RYR3: variants seen among roughly 807,000 people sequenced by gnomAD.
The protein encoded by RYR3 is brain ryanodine receptor-calcium release channel.
In RYR3, 207 loss-of-function variants were observed where a neutral mutation model predicts 584.3. That is an observed-to-expected ratio of 0.35 (90% CI 0.32 to 0.40). RYR3 has a LOEUF of 0.40. Among genes scored for constraint, RYR3 ranks in the 10% least tolerant of loss-of-function variants. The pLI is 1.00. For missense variants in RYR3, 5,616 were observed against 6,089.2 expected (o/e 0.92, Z 2.59); for synonymous variants, 2,416 against 2,248.5 (o/e 1.07, Z -2.11).
rs544141713 is a variant in RYR3, at chr15:33,420,052, T to G, written c.52-53367T>G. Among the ~76,000 whole-genome samples, 22 of 152,352 alleles carry G rather than the reference T, an allele frequency of 1.4e-4. No individual in the cohort carries two copies. In the South Asian group the frequency reaches 4.6e-3, roughly 32 times the overall value. On this transcript the variant is annotated intron_variant, in intron 1 of 103. Transcript: ENST00000634891. ...GCAGAATTAAAAACTAAGACTGTTA[T>G]GATGCCTCTAAGAGAACAGAGATGC... is the stretch of plus-strand genomic sequence containing the variant.
chr15:33,479,777 G>T (rs2049794500), intron 2 of RYR3, among the ~76,000 whole-genome samples: 1 of 152,128 alleles, frequency 6.6e-6, no homozygotes. Context: ...TTAGACTTCA[G>T]AAATGCCTGG....
At chr15:33,792,874 A>T (rs1596615675) in intron 67 of RYR3, among the ~76,000 whole-genome samples, 1 of 152,168 alleles carries the variant, frequency 6.6e-6, no homozygotes, top group East Asian at 1.9e-4. Flanking sequence ...GTTCTCCAAC[A>T]CCAATTGGGT....
At chr15:33,609,009 A>G (rs1040362020) in intron 18 of RYR3, among the ~76,000 whole-genome samples, 19 of 152,334 alleles carry the variant, frequency 1.2e-4, no homozygotes, top group African/African-American at 4.3e-4. Context: ...AGCATCCCCC[A>G]TGAAAGCTGC....
chr15:33,794,079 A>T (rs12909198), intron 67 of RYR3, among the ~76,000 whole-genome samples: 1 of 140,066 alleles, frequency 7.1e-6, no homozygotes, highest in African/African-American at 2.7e-5. Flanking sequence ...AATATATATA[A>T]ATATATACAT....
In RYR3 at chr15:33,732,530, G is replaced by C. The variant is rs187532449; in HGVS notation, c.7424+836G>C. Among the ~76,000 whole-genome samples the C allele has an allele frequency of 3.0e-3, 462 of 152,210 alleles. 5 individuals carry two copies. Among genetic ancestry groups the C allele is most frequent in the Non-Finnish European group, 6.8e-4 (46 of 68,020 alleles). On this transcript the variant is annotated intron_variant, in intron 48 of 103. Coordinates refer to ENST00000634891, the MANE Select transcript of RYR3 (RefSeq NM_001036.6). Reference sequence around the variant, plus strand: ...CATCAGAGCCAGCTGAGGACAAAAGGTAAAGTCACCCCAAGAGCCTTGGGT... The same window carrying C: ...CATCAGAGCCAGCTGAGGACAAAAGCTAAAGTCACCCCAAGAGCCTTGGGT...
intron 1 of RYR3, among the ~76,000 whole-genome samples, chr15:33,425,766 C>T (rs987439574): frequency 7.3e-5 from 11 of 151,382 alleles, no homozygotes; most frequent in South Asian, 4.2e-4. Flanking sequence ...CTCAGCCTCC[C>T]GAGTAGCTGG....
intron 69 of RYR3, among the ~76,000 whole-genome samples, chr15:33,806,201 C>T (rs955197868): frequency 3.3e-5 from 5 of 152,132 alleles, no homozygotes; most frequent in Non-Finnish European, 7.3e-5. Context: ...TGTGATGTGT[C>T]CTCAAAGTCA....
At chr15:33,625,858 C>A (rs1444492900) in intron 20 of RYR3, among the ~76,000 whole-genome samples, 3 of 152,164 alleles carry the variant, frequency 2.0e-5, no homozygotes, top group Non-Finnish European at 2.9e-5. Context: ...TTGTTGAATT[C>A]TTTTGGGGGG....
At chr15:33,349,694 C>T (rs1972962822) in intron 1 of RYR3, among the ~76,000 whole-genome samples, 1 of 150,340 alleles carries the variant, frequency 6.7e-6, no homozygotes, top group African/African-American at 2.5e-5. Context: ...GCTGCACCCA[C>T]TAACTCGTCA....
At chr15:33,749,356 T>C (rs1229206158) in intron 55 of RYR3, among the ~76,000 whole-genome samples, 1 of 152,154 alleles carries the variant, frequency 6.6e-6, no homozygotes, top group African/African-American at 2.4e-5. Context: ...CTTCCTCCCG[T>C]TGCTCCCCTC....
rs372710315 is a variant in RYR3 at position 33,597,235 on chromosome 15, A to G, written c.1789-4184A>G. ...GGATAAGTATGAAATTGCTTGATGA[A>G]TAAATGCAAACAAAAATGTATGCTG... On this transcript the variant is annotated intron_variant, in intron 16 of 103. Coordinates refer to ENST00000634891, the MANE Select transcript of RYR3 (RefSeq NM_001036.6). Among the ~76,000 whole-genome samples the G allele has an allele frequency of 3.9e-5, 6 of 152,332 alleles. No homozygotes were observed. In the East Asian group the frequency reaches 1.2e-3, roughly 29 times the overall value.
intron 31 of RYR3, among the ~76,000 whole-genome samples, chr15:33,650,578 T>C (rs2062407716): frequency 6.6e-6 from 1 of 152,152 alleles, no homozygotes; most frequent in Admixed American, 6.5e-5. Context: ...GTGCCTCAAC[T>C]CAGGCACTCA....
chr15:33,853,477 A>T, intron 95 of RYR3, 78 bp from the exon 96 acceptor site: 2 of 1,526,374 alleles, frequency 1.3e-6, no homozygotes, highest in Admixed American at 2.0e-5. Context: ...AGGGCAGCAA[A>T]GCTCTGAAGA....
chr15:33,745,216 G>A (rs911785995), intron 52 of RYR3, among the ~76,000 whole-genome samples: 3 of 152,082 alleles, frequency 2.0e-5, no homozygotes, highest in African/African-American at 7.2e-5. Flanking sequence ...GGGGACCCAC[G>A]AGGAGACATG....
intron 1 of RYR3, among the ~76,000 whole-genome samples, chr15:33,362,230 T>A (rs1974868513): frequency 6.6e-6 from 1 of 152,210 alleles, no homozygotes; most frequent in African/African-American, 2.4e-5. Context: ...TTGCTTGGTA[T>A]TTTTGCCTTC....
chr15:33,669,734 C>T (rs1421985097), intron 37 of RYR3, among the ~76,000 whole-genome samples: 1 of 150,540 alleles, frequency 6.6e-6, no homozygotes, highest in African/African-American at 2.5e-5. Context: ...GACAACTGAT[C>T]CTTATATAAA....
intron 1 of RYR3, among the ~76,000 whole-genome samples, chr15:33,333,023 T>C (rs982342264): frequency 2.2e-5 from 2 of 89,258 alleles, no homozygotes; most frequent in East Asian, 6.1e-4. Flanking sequence ...TCAGTGCCAG[T>C]AACAATTTTT....
At chr15:33,568,057 G>A (rs2057812610) in intron 12 of RYR3, among the ~76,000 whole-genome samples, 1 of 152,134 alleles carries the variant, frequency 6.6e-6, no homozygotes, top group Non-Finnish European at 1.5e-5. Flanking sequence ...GCTATCCTGG[G>A]ATGTTTTTTC....
At chr15:33,340,032 C>T (rs749568183) in intron 1 of RYR3, among the ~76,000 whole-genome samples, 2 of 152,166 alleles carry the variant, frequency 1.3e-5, no homozygotes, top group Non-Finnish European at 2.9e-5. Context: ...GGTGGCCTGT[C>T]CAAAGGGCGT....
Sources: gnomAD v4.1 joint callset for allele counts (sites outside exome capture counted in the v4.1 genomes callset) on GRCh38, gnomAD v4.1.1 for gene constraint, MANE v1.5 for transcripts, NCBI Gene and HGNC (gene_info 2026-07-23, HGNC 2026-07-21) for gene names.